Variants in AOPEP observed in about 807,000 individuals in gnomAD.
AOPEP encodes aminopeptidase O.
In AOPEP, 77 loss-of-function variants were observed where a neutral mutation model predicts 98.1. That is an observed-to-expected ratio of 0.78 (90% CI 0.65 to 0.95). The LOEUF (loss-of-function observed/expected upper bound fraction) is 0.95. Ranked by LOEUF, AOPEP falls within the 40% of genes least tolerant of loss-of-function variation. The probability of loss-of-function intolerance (pLI) is 0.00; values close to 1 mark genes in which losing one functional copy is unlikely to be tolerated. For synonymous variants in AOPEP, 346 were observed against 365.3 expected (o/e 0.95, Z 0.60); for missense variants, 1,024 against 1,024.7 (o/e 1.00, Z 0.01).
chr9:94,862,906 C>T (rs370870785), intron 5 of AOPEP, among the ~76,000 whole-genome samples: 216 of 152,234 alleles, frequency 1.4e-3, no homozygotes, highest in African/African-American at 4.8e-3. Flanking sequence ...AAAGTATATG[C>T]GCACAAATAC....
At chr9:95,148,105 CCACA>C in the AOPEP span, among the ~76,000 whole-genome samples, 1 of 152,004 alleles carries the variant, frequency 6.6e-6, no homozygotes, top group Non-Finnish European at 1.5e-5. Flanking sequence ...CTCTTCACCA[CCACA>C]CACACACAGT....
intron 1 of AOPEP, among the ~76,000 whole-genome samples, chr9:94,752,380 CA>C (rs778576961): frequency 0.033 from 5,046 of 152,168 alleles, 222 homozygotes; most frequent in African/African-American, 0.1. Context: ...CACACACACA[CA>C]CACACCCCAC....
chr9:94,873,408 A>T (rs1375737373), intron 5 of AOPEP, among the ~76,000 whole-genome samples: 1 of 152,200 alleles, frequency 6.6e-6, no homozygotes, highest in Non-Finnish European at 1.5e-5. Flanking sequence ...GAATTAACAA[A>T]TATGTGGTGT....
chr9:95,148,261 A>G, the AOPEP span, among the ~76,000 whole-genome samples: 4 of 152,222 alleles, frequency 2.6e-5, no homozygotes, highest in Non-Finnish European at 4.4e-5. Flanking sequence ...CTTCTGCTTC[A>G]TAACAAAAAA....
At chr9:94,858,644 G>A (rs987749897) in intron 5 of AOPEP, among the ~76,000 whole-genome samples, 12 of 152,200 alleles carry the variant, frequency 7.9e-5, no homozygotes, top group Non-Finnish European at 1.0e-4. Flanking sequence ...GAGTTGATGT[G>A]TTTAAATCCT....
chr9:94,966,102 A>G (rs1043511201), intron 9 of AOPEP, among the ~76,000 whole-genome samples: 3 of 137,408 alleles, frequency 2.2e-5, no homozygotes, highest in South Asian at 2.4e-4. Context: ...AGTCCTGTGT[A>G]GAGTCTGTAT....
intron 14 of AOPEP, among the ~76,000 whole-genome samples, chr9:95,075,241 C>T (rs1043825097): frequency 5.3e-5 from 8 of 152,096 alleles, no homozygotes; most frequent in African/African-American, 1.9e-4. Flanking sequence ...TTTTAAAGGT[C>T]ATTAAATTTT....
At chr9:94,874,312 G>A (rs1379486127) in intron 5 of AOPEP, among the ~76,000 whole-genome samples, 1 of 151,776 alleles carries the variant, frequency 6.6e-6, no homozygotes, top group Non-Finnish European at 1.5e-5. Context: ...CACTTTCAGA[G>A]GTTTTTATTA....
intron 5 of AOPEP, among the ~76,000 whole-genome samples, chr9:94,867,850 C>T (rs750597820): frequency 5.9e-5 from 9 of 152,260 alleles, no homozygotes; most frequent in East Asian, 1.9e-4. Context: ...TTCCCTGTAA[C>T]GAGGTAATTT....
Position 94,955,924 on chromosome 9 carries a change from G to T in AOPEP, c.1781G>T (p.Arg594Leu). The T allele has an allele frequency of 6.2e-7, 1 of 1,610,520 alleles. No individual in the cohort carries two copies. ...TTCTTCTAGGGCTACTTCCTTCTTC[G>T]GTTTCTTGCCAAAAGACTTGGAGAT... ...VHYLKGYFLL[R>L]FLAKRLGDET... Residue 594 changes from arginine to leucine, a missense_variant, in exon 9 of 17, where the codon CGG (arginine) becomes CTG (leucine). Physicochemically the swap from Arg to Leu is moderately radical, Grantham distance 102. Coordinates refer to ENST00000375315, the MANE Select transcript of AOPEP (RefSeq NM_001193329.3).
intron 5 of AOPEP, among the ~76,000 whole-genome samples, chr9:94,823,499 C>G (rs996578487): frequency 6.6e-6 from 1 of 152,160 alleles, no homozygotes; most frequent in African/African-American, 2.4e-5. Flanking sequence ...TTTGGTCCTT[C>G]TAGAGCATGT....
At chr9:95,017,891 C>T (rs530984610) in intron 13 of AOPEP, among the ~76,000 whole-genome samples, 1 of 152,326 alleles carries the variant, frequency 6.6e-6, no homozygotes, top group South Asian at 2.1e-4. Flanking sequence ...TTGAATCATA[C>T]ACTACTCAGT....
Position 95,027,636 on chromosome 9 carries a change from A to C in AOPEP, c.2115+22020A>C, listed in dbSNP as rs549644613. Among the ~76,000 whole-genome samples, 10 of 152,304 alleles carry C rather than the reference A, an allele frequency of 6.6e-5. No homozygotes were observed. In the South Asian group the frequency reaches 2.1e-3, roughly 32 times the overall value. ...GGGTGCTTTAAATAATTAAATAGTG[A>C]AGTTCTAGGTGTTAGAATTTGGTAG... On this transcript the variant is annotated intron_variant, in intron 13 of 16. Coordinates refer to ENST00000375315, the MANE Select transcript of AOPEP (RefSeq NM_001193329.3).
At chr9:94,904,054 G>GT (rs915401699) in intron 5 of AOPEP, 3 of 150,622 alleles carry the variant, frequency 2.0e-5, no homozygotes, top group African/African-American at 7.3e-5. Context: ...ACTACATACC[G>GT]TAACTACTCA....
chr9:94,817,681 G>T (rs1852011980), intron 5 of AOPEP, among the ~76,000 whole-genome samples: 2 of 152,248 alleles, frequency 1.3e-5, no homozygotes, highest in Non-Finnish European at 2.9e-5. Context: ...GTTGGGAACA[G>T]AAGTGATTTA....
chr9:95,092,269 T>G, the AOPEP span, among the ~76,000 whole-genome samples: 1 of 151,830 alleles, frequency 6.6e-6, no homozygotes, highest in Admixed American at 6.5e-5. Flanking sequence ...TTAAAGGGGG[T>G]GGGCCCAGGG....
intron 5 of AOPEP, among the ~76,000 whole-genome samples, chr9:94,899,494 A>C (rs1286581727): frequency 1.3e-5 from 2 of 151,248 alleles, no homozygotes; most frequent in Non-Finnish European, 2.9e-5. Context: ...TCACACTTTT[A>C]TTCCCAGCAC....
At chr9:94,984,887 A>G (rs922548481) in intron 11 of AOPEP, among the ~76,000 whole-genome samples, 11 of 152,226 alleles carry the variant, frequency 7.2e-5, no homozygotes, top group African/African-American at 2.4e-4. Context: ...ACACCCTTCA[A>G]TTTGCTGTGA....
At chr9:94,855,234 C>T (rs955937832) in intron 5 of AOPEP, among the ~76,000 whole-genome samples, 5 of 152,010 alleles carry the variant, frequency 3.3e-5, no homozygotes, top group East Asian at 3.9e-4. Context: ...TGTGCCACCA[C>T]GCCTGGCTAA....
Sources: allele counts gnomAD v4.1 joint callset (sites outside exome capture counted in the v4.1 genomes callset), GRCh38; gene constraint gnomAD v4.1.1; transcripts MANE v1.5; gene names NCBI Gene and HGNC (gene_info 2026-07-23, HGNC 2026-07-21).